PTHLH: variants seen among roughly 807,000 people sequenced by gnomAD.
PTHLH encodes parathyroid hormone-related protein.
PTHLH carries 5 observed loss-of-function variants against 18.6 expected under a neutral mutation model. That is an observed-to-expected ratio of 0.27 (90% CI 0.14 to 0.56). PTHLH has a LOEUF of 0.56. Ranked by LOEUF, PTHLH falls within the 20% of genes least tolerant of loss-of-function variation. PTHLH has a pLI of 0.92. For synonymous variants in PTHLH, 90 were observed against 94.0 expected (o/e 0.96, Z 0.25); for missense variants, 207 against 223.9 (o/e 0.92, Z 0.48).
At chr12:27,965,075 C>T (rs775442445) in intron 4 of PTHLH, among the ~76,000 whole-genome samples, 1 of 152,194 alleles carries the variant, frequency 6.6e-6, no homozygotes, top group Non-Finnish European at 1.5e-5. Context: ...TCTTTAACTC[C>T]TCAGAGAAAT....
At chr12:27,969,183 C>G (rs1591852310) in intron 4 of PTHLH, 1 of 592,300 alleles carries the variant, frequency 1.7e-6, no homozygotes, top group East Asian at 2.8e-5. Flanking sequence ...TAAAGTCTCT[C>G]TCTTGCCTGT....
intron 5 of PTHLH, chr12:27,961,928 C>T: frequency 1.4e-6 from 1 of 721,534 alleles, no homozygotes; most frequent in Admixed American, 2.0e-5. Context: ...ATAATGAGAT[C>T]ATTAGTTGCA....
intron 5 of PTHLH, among the ~76,000 whole-genome samples, chr12:27,958,914 G>T (rs1440897184): frequency 1.3e-5 from 2 of 152,232 alleles, no homozygotes; most frequent in Non-Finnish European, 2.9e-5. Context: ...TAAGAACTTG[G>T]AAATGAGGTT....
At chr12:27,965,911 AAGC>A (rs1363472329) in intron 4 of PTHLH, among the ~76,000 whole-genome samples, 1 of 152,240 alleles carries the variant, frequency 6.6e-6, no homozygotes, top group Non-Finnish European at 1.5e-5. Flanking sequence ...TCACATTAAA[AAGC>A]AGTTCTTAAC....
intron 5 of PTHLH, among the ~76,000 whole-genome samples, chr12:27,960,898 A>G (rs2062747541): frequency 6.6e-6 from 1 of 152,130 alleles, no homozygotes; most frequent in Non-Finnish European, 1.5e-5. Flanking sequence ...AAAAGATTTT[A>G]TCTGGATTAC....
At chr12:27,962,838 T>C (rs1335910985) in intron 5 of PTHLH, 2 of 975,228 alleles carry the variant, frequency 2.1e-6, no homozygotes, top group Non-Finnish European at 2.4e-6. Flanking sequence ...TTAAATACAT[T>C]TAATTAAATA....
intron 4 of PTHLH, 28 bp downstream of exon 4, chr12:27,969,366 G>C: frequency 2.6e-6 from 4 of 1,547,720 alleles, no homozygotes; most frequent in Non-Finnish European, 3.5e-6. Context: ...TCCCCAACCC[G>C]GCGCCCTGGG....
Position 27,970,095 on chromosome 12 carries a change from T to A in PTHLH, c.-93A>T, listed in dbSNP as rs748708857. On this transcript the variant is annotated 5_prime_UTR_variant, in exon 3 of 6. Transcript: ENST00000545234. ...CCTGAGAACAAGTTTCAAGTGCGTGTGTCGTCGATCAGGAGGGCCAGGTGG... is the reference window on the plus strand; with the variant it reads ...CCTGAGAACAAGTTTCAAGTGCGTGAGTCGTCGATCAGGAGGGCCAGGTGG... 3 of 519,060 alleles carry A rather than the reference T, an allele frequency of 5.8e-6. No homozygotes were observed. The highest frequency in any genetic ancestry group is 1.2e-5 in the Non-Finnish European group (3 of 259,864). The allele number at this position is 519,060 out of a possible 1,614,324, so 32.2% of individuals were successfully genotyped here.
At chr12:27,959,022 T>C (rs2062733565) in intron 5 of PTHLH, among the ~76,000 whole-genome samples, 1 of 152,246 alleles carries the variant, frequency 6.6e-6, no homozygotes, top group Non-Finnish European at 1.5e-5. Flanking sequence ...TTTGTTCAGG[T>C]GCTCATTTGG....
At chr12:27,964,360 T>G (rs2062793347) in intron 4 of PTHLH, among the ~76,000 whole-genome samples, 1 of 151,410 alleles carries the variant, frequency 6.6e-6, no homozygotes, top group East Asian at 1.9e-4. Context: ...AAACAAAGGC[T>G]GAAGGAGAAG....
At chr12:27,969,761 A>C in intron 3 of PTHLH, 14 of 680,826 alleles carry the variant, frequency 2.1e-5, no homozygotes, top group East Asian at 3.0e-5. Context: ...AAAGAAACAA[A>C]TCAGAGGCGC....
chr12:27,958,495 CT>C lies in PTHLH; in HGVS notation c.*63del. The C allele has an allele frequency of 7.0e-7, 1 of 1,438,732 alleles. No individual in the cohort carries two copies. The allele number at this position is 1,438,732 out of a possible 1,614,324, so 89.1% of individuals were successfully genotyped here. ...TTACAGACAATAAATATTTCTAATA[CT>C]TTCCATATGTTCACTATTACAGAAT... On this transcript the variant is annotated 3_prime_UTR_variant, in exon 6 of 6. Coordinates refer to ENST00000545234, the MANE Select transcript of PTHLH (RefSeq NM_198965.2).
chr12:27,969,549 G>A (rs945994941), intron 3 of PTHLH, 33 bp from the exon 4 acceptor site: 18 of 1,498,788 alleles, frequency 1.2e-5, no homozygotes, highest in Middle Eastern at 1.7e-4. Flanking sequence ...CCGAGTGTCA[G>A]TCTGGACTCT....
intron 5 of PTHLH, among the ~76,000 whole-genome samples, chr12:27,959,474 G>A (rs866244393): frequency 2.0e-5 from 3 of 151,808 alleles, no homozygotes; most frequent in Non-Finnish European, 2.9e-5. Context: ...ATGGGTTAGC[G>A]GAGTTTTCTT....
At position 27,969,512 on chromosome 12, in the gene PTHLH, G is replaced by T; in HGVS notation, c.-18C>A. The stretch of plus-strand genomic sequence containing the variant: ...CGCTGCATCGTCTCCGCTCGCGCTC[G>T]GGACCTGCAACAGAAGGGAATGGGA... On this transcript the variant is annotated 5_prime_UTR_variant, in exon 4 of 6. Transcript: ENST00000545234. 1 of 1,557,958 alleles carries T rather than the reference G, an allele frequency of 6.4e-7. No homozygotes were observed. The highest frequency in any genetic ancestry group is 8.7e-7 in the Non-Finnish European group (1 of 1,153,682).
At chr12:27,962,115 A>G (rs977790720) in intron 5 of PTHLH, 11 of 525,604 alleles carry the variant, frequency 2.1e-5, no homozygotes, top group Non-Finnish European at 3.7e-5. Flanking sequence ...CTTTGGGGCC[A>G]CCTATTTCAA....
chr12:27,963,068 AT>A (rs1479726332), intron 5 of PTHLH: 1 of 1,318,118 alleles, frequency 7.6e-7, no homozygotes, highest in Non-Finnish European at 9.7e-7. Context: ...ATATGAAATT[AT>A]TTGGTAGAGT....
In PTHLH at chr12:27,963,328, G is replaced by A. The variant is rs1565521371; in HGVS notation, c.524+20C>T. On this transcript the variant is annotated intron_variant, in intron 5 of 5. Coordinates refer to ENST00000545234, the MANE Select transcript of PTHLH (RefSeq NM_198965.2). Reference sequence around the variant, plus strand: ...GCTGAGAGCACCCCGCTGAGGCTACGGGCCAGAGAAGCCTGTTACCGTGAA... The same window carrying A: ...GCTGAGAGCACCCCGCTGAGGCTACAGGCCAGAGAAGCCTGTTACCGTGAA... The A allele has an allele frequency of 6.2e-7, 1 of 1,614,184 alleles. No individual in the cohort carries two copies. Among genetic ancestry groups the A allele is most frequent in the South Asian group, 1.1e-5 (1 of 91,080 alleles).
intron 5 of PTHLH, among the ~76,000 whole-genome samples, chr12:27,960,945 C>T (rs996115751): frequency 2.6e-5 from 4 of 151,980 alleles, no homozygotes; most frequent in Admixed American, 2.6e-4. Flanking sequence ...CATCAATACA[C>T]TCCTAAGCTT....
Sources: allele counts gnomAD v4.1 joint callset (sites outside exome capture counted in the v4.1 genomes callset), GRCh38; gene constraint gnomAD v4.1.1; transcripts MANE v1.5; gene names NCBI Gene and HGNC (gene_info 2026-07-23, HGNC 2026-07-21).